PRUNE2: variants seen among roughly 807,000 people sequenced by gnomAD.
PRUNE2 encodes the protein protein prune homolog 2.
PRUNE2 carries 164 observed loss-of-function variants against 252.0 expected under a neutral mutation model. The ratio of observed to expected loss-of-function variants is 0.65; its 90% CI spans 0.57 to 0.74. The LOEUF (loss-of-function observed/expected upper bound fraction) is 0.74. Among genes scored for constraint, PRUNE2 ranks in the 30% least tolerant of loss-of-function variants. The pLI is 0.00. For missense variants in PRUNE2, 3,495 were observed against 3,711.0 expected (o/e 0.94, Z 1.51); for synonymous variants, 1,292 against 1,350.2 (o/e 0.96, Z 0.94).
intron 6 of PRUNE2, among the ~76,000 whole-genome samples, chr9:76,721,134 C>CAGTGTTT (rs2047613870): frequency 6.6e-6 from 1 of 152,144 alleles, no homozygotes; most frequent in Admixed American, 6.5e-5. Context: ...ACTGATAGGT[C>CAGTGTTT]AGTGTTTATC....
In PRUNE2 at chr9:76,705,955, T is replaced by A. The variant is rs756736564; in HGVS notation, c.6319A>T (p.Ile2107Leu). Residue 2107 changes from isoleucine (I) to leucine (L), a missense_variant, in exon 8 of 19, where the codon ATA becomes TTA. Coordinates refer to ENST00000376718, the MANE Select transcript of PRUNE2 (RefSeq NM_015225.3). Reference sequence around the variant, plus strand: ...TGCTTTGCTTCAGAATCGTGACATATATCAGGGCTGTCGGAAGCCTGAGAA... The same window carrying A: ...TGCTTTGCTTCAGAATCGTGACATAAATCAGGGCTGTCGGAAGCCTGAGAA... ...SNSQASDSPD[I>L]CHDSEAKQET... 1 of 1,613,882 alleles carries A rather than the reference T, an allele frequency of 6.2e-7. No homozygotes were observed. The highest frequency in any genetic ancestry group is 8.5e-7 in the Non-Finnish European group (1 of 1,179,896).
intron 4 of PRUNE2, among the ~76,000 whole-genome samples, chr9:76,844,514 A>G (rs1176057200): frequency 1.3e-5 from 2 of 152,030 alleles, no homozygotes; most frequent in Non-Finnish European, 2.9e-5. Flanking sequence ...TTTCTAAATT[A>G]CCCGATCTCA....
At chr9:76,799,450 G>A (rs772601306) in intron 6 of PRUNE2, among the ~76,000 whole-genome samples, 29 of 152,082 alleles carry the variant, frequency 1.9e-4, no homozygotes, top group Non-Finnish European at 3.5e-4. Flanking sequence ...TTGCCACACT[G>A]AGCATACACA....
chr9:76,864,311 G>T (rs1440553629), intron 1 of PRUNE2, among the ~76,000 whole-genome samples: 1 of 152,166 alleles, frequency 6.6e-6, no homozygotes, highest in Non-Finnish European at 1.5e-5. Flanking sequence ...GTAGCAGGAA[G>T]GAGGGTGTAG....
intron 4 of PRUNE2, among the ~76,000 whole-genome samples, chr9:76,840,147 T>C (rs1428842725): frequency 6.7e-6 from 1 of 149,836 alleles, no homozygotes; most frequent in Admixed American, 6.6e-5. Context: ...CAAAGTCACT[T>C]AAAGATAGCA....
In PRUNE2 at chr9:76,611,891, C is replaced by T. The variant is rs535961683; in HGVS notation, c.*2679G>A. ...GAAACAATGCTTTTGCCCCAATGAC[C>T]CCTTGGTTCCCTTAACTACAGATCT... On this transcript the variant is annotated 3_prime_UTR_variant, in exon 19 of 19. Transcript: ENST00000376718. The T allele has an allele frequency of 6.5e-6, 1 of 152,716 alleles. No homozygotes were observed. The highest frequency in any genetic ancestry group is 2.1e-4 in the South Asian group (1 of 4,828). 9.5% of individuals were successfully genotyped at this position (152,716 alleles called of 1,614,324 possible).
rs764047586 is a variant in PRUNE2, at chr9:76,846,611, C to A, written c.412G>T (p.Val138Phe). ...INPVEQSDAN[V>F]EFRESSSSLV... is the part of the protein sequence containing the mutation. The stretch of plus-strand genomic sequence containing the variant: ...GAAGAGGAAGACTCTCGGAACTCAA[C>A]GTTGGCATCGCTCTGCTCAACCGGA... Residue 138 changes from valine to phenylalanine, a missense_variant, in exon 4 of 19, where the codon GTT (valine) becomes TTT (phenylalanine). By Grantham distance (50) the Val-to-Phe change is conservative. Coordinates refer to ENST00000376718, the MANE Select transcript of PRUNE2 (RefSeq NM_015225.3). 1 of 1,613,908 alleles carries A rather than the reference C, an allele frequency of 6.2e-7. No individual in the cohort carries two copies. The highest frequency in any genetic ancestry group is 8.5e-7 in the Non-Finnish European group (1 of 1,179,878).
rs765905639 is a variant in PRUNE2 at position 76,710,150 on chromosome 9, G to A, written c.2124C>T (p.Leu708=). 13 of 1,613,708 alleles carry A rather than the reference G, an allele frequency of 8.1e-6. No homozygotes were observed. The highest frequency in any genetic ancestry group is 5.0e-5 in the Admixed American group (3 of 59,976). The part of the protein sequence containing the change: ...ASDSVFQPKS[L]EFTKSGPWES... The stretch of plus-strand genomic sequence containing the variant: ...CCCAGGGACCTGACTTTGTAAATTC[G>A]AGGCTCTTTGGTTGAAATACAGAAT... Residue 708 remains leucine (L), a synonymous_variant, in exon 8 of 19, where the codon CTC becomes CTT. Transcript: ENST00000376718.
chr9:76,864,816 A>G (rs1461407020), intron 1 of PRUNE2, among the ~76,000 whole-genome samples: 1 of 152,240 alleles, frequency 6.6e-6, no homozygotes, highest in African/African-American at 2.4e-5. Flanking sequence ...TAGACCAACA[A>G]TAAAATGTCT....
At chr9:76,647,142 C>G (rs899060678) in intron 11 of PRUNE2, among the ~76,000 whole-genome samples, 1 of 152,224 alleles carries the variant, frequency 6.6e-6, no homozygotes, top group Non-Finnish European at 1.5e-5. Context: ...TACCACTGCA[C>G]TCCTGTCTGG....
intron 6 of PRUNE2, among the ~76,000 whole-genome samples, chr9:76,780,646 G>A (rs1275012655): frequency 2.6e-5 from 4 of 152,136 alleles, no homozygotes; most frequent in African/African-American, 4.8e-5. Flanking sequence ...AGCTGAGATC[G>A]CCCCACTGCA....
rs1243148663 is a variant in PRUNE2, at chr9:76,673,797, C to T, written c.8277-18295G>A. On this transcript the variant is annotated intron_variant, in intron 9 of 18. Transcript: ENST00000376718. ...TCCAGCATATAAACAGAACCAAAGA[C>T]AAAAACCACATGATTATCTCAATAG... is the stretch of plus-strand genomic sequence containing the variant. 6.0e-4 allele frequency among the ~76,000 whole-genome samples: 91 copies of T among 151,334 alleles called. 1 individual carries two copies. The highest frequency in any genetic ancestry group is 7.0e-3 in the Middle Eastern group (2 of 286).
intron 1 of PRUNE2, among the ~76,000 whole-genome samples, chr9:76,879,537 C>G (rs1362137263): frequency 1.3e-5 from 2 of 151,654 alleles, no homozygotes; most frequent in East Asian, 3.9e-4. Context: ...AGGAAATAAA[C>G]TAAATAAATG....
chr9:76,662,482 A>G (rs141399836), intron 9 of PRUNE2, among the ~76,000 whole-genome samples: 1 of 152,294 alleles, frequency 6.6e-6, no homozygotes, highest in East Asian at 1.9e-4. Context: ...CCCATTCTGC[A>G]TTTTGTATTT....
chr9:76,853,066 T>C (rs574691778), intron 2 of PRUNE2, among the ~76,000 whole-genome samples: 5 of 152,220 alleles, frequency 3.3e-5, no homozygotes, highest in African/African-American at 1.2e-4. Context: ...AGTGTTAATA[T>C]GCATGTCTTA....
At chr9:76,700,954 T>G (rs1231617316) in intron 9 of PRUNE2, among the ~76,000 whole-genome samples, 4 of 152,248 alleles carry the variant, frequency 2.6e-5, no homozygotes, top group African/African-American at 9.6e-5. Context: ...ACATTGGGCA[T>G]TGACTAGCTT....
rs2040435120 is a variant in PRUNE2 at position 76,667,511 on chromosome 9, A to G, written c.8277-12009T>C. 2.0e-5 allele frequency among the ~76,000 whole-genome samples: 3 copies of G among 150,780 alleles called. No individual in the cohort carries two copies. In the Admixed American group the frequency reaches 2.0e-4, roughly 10 times the overall value. On this transcript the variant is annotated intron_variant, in intron 9 of 18. Transcript: ENST00000376718. Reference sequence around the variant, plus strand: ...GCCTGCCTGCCCCACCCTCCTGCCCATAAGATAAGCTCACAAAGGGTCCCC... The same window carrying G: ...GCCTGCCTGCCCCACCCTCCTGCCCGTAAGATAAGCTCACAAAGGGTCCCC...
chr9:76,731,092 A>G (rs549022364), intron 6 of PRUNE2, among the ~76,000 whole-genome samples: 22 of 152,170 alleles, frequency 1.4e-4, no homozygotes, highest in Middle Eastern at 3.4e-3. Context: ...TTGCTGGTCA[A>G]CCTCTCTCAG....
intron 4 of PRUNE2, among the ~76,000 whole-genome samples, chr9:76,837,983 G>A (rs975690258): frequency 7.2e-5 from 11 of 151,856 alleles, no homozygotes; most frequent in Non-Finnish European, 1.6e-4. Context: ...GTGTTAGCCA[G>A]GATGGTCTCG....
Sources: gnomAD v4.1 joint callset for allele counts (sites outside exome capture counted in the v4.1 genomes callset) on GRCh38, gnomAD v4.1.1 for gene constraint, MANE v1.5 for transcripts, NCBI Gene and HGNC (gene_info 2026-07-23, HGNC 2026-07-21) for gene names.